The following COL1A1 variants were observed in gnomAD, a reference collection of about 807,000 sequenced individuals.
COL1A1 encodes the protein collagen alpha-1(I) chain.
In COL1A1, 21 loss-of-function variants were observed where a neutral mutation model predicts 195.7. The observed-to-expected ratio is 0.11, with a 90% CI of 0.08 to 0.15. The LOEUF (loss-of-function observed/expected upper bound fraction) is 0.15. COL1A1 is among the 10% of genes least tolerant of loss of function. COL1A1 has a pLI of 1.00. For missense variants in COL1A1, 1,365 were observed against 2,051.0 expected, an observed-to-expected ratio of 0.67 and a Z score of 6.46; for synonymous variants, 749 against 747.3, an observed-to-expected ratio of 1.00 and a Z score of -0.04.
In COL1A1 at chr17:50,192,628, A is replaced by G. The variant is rs1305039546; in HGVS notation, c.1929+12T>C. Reference sequence around the variant, plus strand: ...CCTACCTCCCAGCATCCTGACAGCCATGAGGCCTCACCTGGAATCCGGGGG... The same window carrying G: ...CCTACCTCCCAGCATCCTGACAGCCGTGAGGCCTCACCTGGAATCCGGGGG... On this transcript the variant is annotated intron_variant, in intron 28 of 50. Coordinates refer to ENST00000225964, the MANE Select transcript of COL1A1 (RefSeq NM_000088.4). 4 of 1,614,104 alleles carry G rather than the reference A, an allele frequency of 2.5e-6. No individual in the cohort carries two copies. Among genetic ancestry groups the G allele is most frequent in the South Asian group, 1.1e-5 (1 of 91,090 alleles).
rs778220640 is a variant in COL1A1 at position 50,195,355 on chromosome 17, G to A, written c.1201-25C>T. The A allele has an allele frequency of 1.6e-5, 26 of 1,613,618 alleles. No homozygotes were observed. The highest frequency in any genetic ancestry group is 1.6e-4 in the Middle Eastern group (1 of 6,082). On this transcript the variant is annotated intron_variant, in intron 18 of 50. Transcript: ENST00000225964. This position sits in a 1 kb window ranked among gnomAD's most constrained non-coding sequence, Gnocchi z 4.3. ...CCTGTGGGAGGCAGACAGCCAGGGC[G>A]TGAGCCTAGGAGCAGAGGGAAAGGG... is the stretch of plus-strand genomic sequence containing the variant.
At chr17:50,196,076 G>A in intron 15 of COL1A1, 79 bp downstream of exon 15, 1 of 1,606,230 alleles carries the variant, frequency 6.2e-7, no homozygotes, top group Non-Finnish European at 8.5e-7. Flanking sequence ...AACATAACCT[G>A]CTCCCATTGT....
In COL1A1 at chr17:50,194,737, C is replaced by T; in HGVS notation, c.1445G>A (p.Gly482Glu). 1 of 1,570,040 alleles carries T rather than the reference C, an allele frequency of 6.4e-7. No individual in the cohort carries two copies. The highest frequency in any genetic ancestry group is 8.6e-7 in the Non-Finnish European group (1 of 1,156,932). The change falls in exon 21 of 51, where the codon GGA becomes GAA. Residue 482 changes from glycine (G) to glutamate (E), a missense_variant. Gly to Glu is a moderately conservative substitution (Grantham distance 98, BLOSUM62 -2). Transcript: ENST00000225964. This position sits in a 1 kb window ranked among gnomAD's most constrained non-coding sequence, Gnocchi z 6.8. ...RGEPGPTGLP[G>E]PPGERGGPGS... is the part of the protein sequence containing the mutation. ...GACACTTACACGCTCGCCAGGGGGT[C>T]CGGGCAGGCCAGTGGGTCCGGGTTC...
intron 46 of COL1A1, 49 bp from the exon 47 acceptor site, chr17:50,187,171 C>T (rs1365320996): frequency 6.9e-7 from 1 of 1,459,372 alleles, no homozygotes; most frequent in Non-Finnish European, 9.4e-7. Context: ...GCCCGAACAA[C>T]CCCAGCTCTG....
At chr17:50,201,224 T>G (rs1908066537) in intron 1 of COL1A1, among the ~76,000 whole-genome samples, 187 bp downstream of exon 1, 1 of 152,078 alleles carries the variant, frequency 6.6e-6, no homozygotes, top group African/African-American at 2.4e-5. Flanking sequence ...CCGGGGCGCG[T>G]TCAACCCCAA....
Position 50,194,750 on chromosome 17 carries a change from T to A in COL1A1, c.1432A>T (p.Thr478Ser), listed in dbSNP as rs772472043. The change falls in exon 21 of 51, where the codon ACT becomes TCT. Residue 478 changes from threonine to serine, a missense_variant. By Grantham distance (58) the Thr-to-Ser change is moderately conservative. Coordinates refer to ENST00000225964, the MANE Select transcript of COL1A1 (RefSeq NM_000088.4). The surrounding 1 kb of genome is among the most constrained non-coding windows in gnomAD (Gnocchi z 6.8). ...KRGARGEPGPTGLPGPPGERG... is the reference protein window; with the variant it reads ...KRGARGEPGPSGLPGPPGERG... ...TCGCCAGGGGGTCCGGGCAGGCCAG[T>A]GGGTCCGGGTTCACCTCGAGCTCCT... 1 of 1,571,824 alleles carries A rather than the reference T, an allele frequency of 6.4e-7. No individual in the cohort carries two copies. The highest frequency in any genetic ancestry group is 1.2e-5 in the South Asian group (1 of 86,396).
At position 50,194,417 on chromosome 17, in the gene COL1A1, G is replaced by A. The variant is rs750695521; in HGVS notation, c.1546C>T (p.Pro516Ser). 15 of 1,614,038 alleles carry A rather than the reference G, an allele frequency of 9.3e-6. No homozygotes were observed. The highest frequency in any genetic ancestry group is 1.2e-5 in the Non-Finnish European group (14 of 1,180,034). Reference protein sequence around the residue: ...GPAGERGSPGPAGPKGSPGEA... With the variant: ...GPAGERGSPGSAGPKGSPGEA... ...CCAGGAGATCCTTTGGGGCCAGCAG[G>A]GCCAGGAGAACCACGTTCACCAGCG... The change falls in exon 23 of 51, where the codon CCT (proline) becomes TCT (serine). Residue 516 changes from proline (P) to serine (S), a missense_variant. Around this residue, in one of 5 missense-constraint regions of COL1A1, gnomAD observed 671 missense variants for 1,099.9 expected, o/e 0.61. Transcript: ENST00000225964. The surrounding 1 kb of genome is among the most constrained non-coding windows in gnomAD (Gnocchi z 6.8).
In COL1A1 at chr17:50,191,995, G is replaced by T; in HGVS notation, c.2013C>A (p.Gly671=). The T allele has an allele frequency of 6.2e-7, 1 of 1,613,020 alleles. No homozygotes were observed. The highest frequency in any genetic ancestry group is 2.2e-5 in the East Asian group (1 of 44,860). Residue 671 remains glycine, a synonymous_variant, in exon 30 of 51, where the codon GGC becomes GGA. Coordinates refer to ENST00000225964, the MANE Select transcript of COL1A1 (RefSeq NM_000088.4). ...QGVPGDLGAP[G]PSGARGERGF... ...GCCTACTTACTCTTGCTCCAGAGGG[G>T]CCAGGGGCGCCAAGGTCTCCAGGAA...
In COL1A1 at chr17:50,188,360, C is replaced by A; in HGVS notation, c.3207+170G>T. The A allele has an allele frequency of 1.2e-6, 1 of 830,206 alleles. No homozygotes were observed. 51.4% of individuals were successfully genotyped at this position (830,206 alleles called of 1,614,324 possible). A position where few individuals can be genotyped will look rare whatever the true frequency, so the allele number is the denominator to read the frequency against. Reference sequence around the variant, plus strand: ...AGGCGGTCCTGTCTGGGAGAGGGGACTTGGGGCTGAGCTTTAACTCAGTTT... The same window carrying A: ...AGGCGGTCCTGTCTGGGAGAGGGGAATTGGGGCTGAGCTTTAACTCAGTTT... On this transcript the variant is annotated intron_variant, in intron 43 of 50. Transcript: ENST00000225964. The surrounding 1 kb of genome is among the most constrained non-coding windows in gnomAD (Gnocchi z 5.6).
rs757175933 is a variant in COL1A1, at chr17:50,191,442, G to T, written c.2176C>A (p.Leu726Ile). Residue 726 changes from leucine (L) to isoleucine (I), a missense_variant, in exon 32 of 51, where the codon CTT (leucine) becomes ATT (isoleucine). Transcript: ENST00000225964. ...GAPGSQGAPG[L>I]QGMPGERGAA... ...CCACGTTCACCAGGCATTCCCTGAAGGCCAGGGGCGCCCTGGCTACCGGGA... is the reference window on the plus strand; with the variant it reads ...CCACGTTCACCAGGCATTCCCTGAATGCCAGGGGCGCCCTGGCTACCGGGA... 6 of 1,613,946 alleles carry T rather than the reference G, an allele frequency of 3.7e-6. No individual in the cohort carries two copies. In the African/African-American group the frequency reaches 8.0e-5, roughly 22 times the overall value.
In COL1A1 at chr17:50,190,267, G is replaced by A. The variant is rs41316681; in HGVS notation, c.2451+60C>T. On this transcript the variant is annotated intron_variant, in intron 35 of 50. Coordinates refer to ENST00000225964, the MANE Select transcript of COL1A1 (RefSeq NM_000088.4). The surrounding 1 kb of genome is among the most constrained non-coding windows in gnomAD (Gnocchi z 4.7). ...TGGCTGACGCCTTTGTCCTCATTCC[G>A]TCCCTCGAGGTCCCAGGTCCCAGTC... 62 of 1,336,678 alleles carry A rather than the reference G, an allele frequency of 4.6e-5. No individual in the cohort carries two copies. Among genetic ancestry groups the A allele is most frequent in the East Asian group, 3.9e-4 (17 of 43,548 alleles). 82.8% of individuals were successfully genotyped at this position (1,336,678 alleles called of 1,614,324 possible).
At position 50,191,398 on chromosome 17, in the gene COL1A1, C is replaced by A. The variant is rs1284213555; in HGVS notation, c.2220G>T (p.Gly740=). The A allele has an allele frequency of 1.9e-6, 3 of 1,613,986 alleles. No individual in the cohort carries two copies. The South Asian group carries it at 3.3e-5, about 18-fold the overall frequency. ...PGERGAAGLP[G]PKGDRGDAGP... ...TTGAACTTACTCTGTCACCCTTAGG[C>A]CCTGGAAGACCAGCTGCACCACGTT... The change falls in exon 32 of 51, where the codon GGG becomes GGT. Residue 740 remains glycine (G), a synonymous_variant. Transcript: ENST00000225964.
At position 50,191,847 on chromosome 17, in the gene COL1A1, G is replaced by A. The variant is rs911133042; in HGVS notation, c.2068C>T (p.Pro690Ser). The A allele has an allele frequency of 6.2e-6, 10 of 1,603,540 alleles. No individual in the cohort carries two copies. The highest frequency in any genetic ancestry group is 8.5e-6 in the Non-Finnish European group (10 of 1,174,778). ...CCTCGGGGACCAGCAGGACCAGGGG[G>A]ACCTTGCACACCACGCTCGCCAGGG... ...GFPGERGVQG[P>S]PGPAGPRGAN... The change falls in exon 31 of 51, where the codon CCC becomes TCC. Residue 690 changes from proline (P) to serine (S), a missense_variant. By Grantham distance (74) the Pro-to-Ser change is moderately conservative. This residue lies in a region of COL1A1 where 671 missense variants were observed against 1,099.9 expected (regional missense o/e 0.61). Transcript: ENST00000225964.
chr17:50,196,237 G>C, intron 14 of COL1A1, 38 bp from the exon 15 acceptor site: 1 of 1,613,458 alleles, frequency 6.2e-7, no homozygotes, highest in African/African-American at 1.3e-5. Flanking sequence ...AGTCCACTGA[G>C]CACTGGCCAG....
intron 1 of COL1A1, among the ~76,000 whole-genome samples, chr17:50,201,155 C>T (rs994586120): frequency 7.2e-5 from 11 of 152,230 alleles, no homozygotes; most frequent in Non-Finnish European, 1.2e-4. Flanking sequence ...TCCCCGGTTG[C>T]GCGCTCGGGA....
chr17:50,189,486 T>C lies in COL1A1; in HGVS notation c.2720A>G (p.Lys907Arg). The change falls in exon 39 of 51, where the codon AAA (lysine) becomes AGA (arginine). Residue 907 changes from lysine to arginine, a missense_variant. Transcript: ENST00000225964. This position sits in a 1 kb window ranked among gnomAD's most constrained non-coding sequence, Gnocchi z 5.5. ...PPGPAGKEGGKGPRGETGPAG... is the reference protein window; with the variant it reads ...PPGPAGKEGGRGPRGETGPAG... Reference sequence around the variant, plus strand: ...AGGGCCAGTCTCACCACGGGGACCTTTGCCGCCTTCTTTGCCAGCAGGACC... The same window carrying C: ...AGGGCCAGTCTCACCACGGGGACCTCTGCCGCCTTCTTTGCCAGCAGGACC... 2 of 1,613,322 alleles carry C rather than the reference T, an allele frequency of 1.2e-6. No individual in the cohort carries two copies. The highest frequency in any genetic ancestry group is 1.7e-6 in the Non-Finnish European group (2 of 1,179,826).
At position 50,184,260 on chromosome 17, in the gene COL1A1, G is replaced by A. The variant is rs1598282011; in HGVS notation, c.*1242C>T. Reference sequence around the variant, plus strand: ...TGGGAAGTTGTCTCTGAAACCCGGGGACAGAGGACGCAGGACAGACTAGGA... The same window carrying A: ...TGGGAAGTTGTCTCTGAAACCCGGGAACAGAGGACGCAGGACAGACTAGGA... On this transcript the variant is annotated 3_prime_UTR_variant, in exon 51 of 51. Transcript: ENST00000225964. 1 of 231,270 alleles carries A rather than the reference G, an allele frequency of 4.3e-6. No individual in the cohort carries two copies. The highest frequency in any genetic ancestry group is 1.8e-4 in the South Asian group (1 of 5,520). 14.3% of individuals were successfully genotyped at this position (231,270 alleles called of 1,614,324 possible). A position where few individuals can be genotyped will look rare whatever the true frequency, so the allele number is the denominator to read the frequency against.
At position 50,194,932 on chromosome 17, in the gene COL1A1, G is replaced by T; in HGVS notation, c.1354-104C>A. The T allele has an allele frequency of 2.0e-6, 3 of 1,466,990 alleles. No homozygotes were observed. Among genetic ancestry groups the T allele is most frequent in the East Asian group, 2.3e-5 (1 of 44,146 alleles). The allele number at this position is 1,466,990 out of a possible 1,614,324, so 90.9% of individuals were successfully genotyped here. ...CCTCCAGTGTCAGGGGTTCCTGGGG[G>T]TGTGGCAGGGACTCCCCCAGAAGAC... On this transcript the variant is annotated intron_variant, in intron 20 of 50. Transcript: ENST00000225964. The surrounding 1 kb of genome is among the most constrained non-coding windows in gnomAD (Gnocchi z 6.8).
chr17:50,197,834 G>A lies in COL1A1; in HGVS notation c.643-49C>T, dbSNP rs201925597. On this transcript the variant is annotated intron_variant, in intron 8 of 50. Coordinates refer to ENST00000225964, the MANE Select transcript of COL1A1 (RefSeq NM_000088.4). ...TAGAATATGGATAAGAAAAAAAGAA[G>A]GGGAAGGCTGGGATTGAAGGGAAGA... 9.4e-5 allele frequency: 151 copies of A among 1,599,298 alleles called. No individual in the cohort carries two copies. The African/African-American group carries it at 1.4e-3, about 15-fold the overall frequency.
Sources: gnomAD v4.1 joint callset for allele counts (sites outside exome capture counted in the v4.1 genomes callset) on GRCh38, gnomAD v4.1.1 for gene constraint, gnomAD v4.1.1 regional missense constraint, Gnocchi (gnomAD v3.1) non-coding constraint, MANE v1.5 for transcripts, NCBI Gene and HGNC (gene_info 2026-07-23, HGNC 2026-07-21) for gene names.